Variants in CENPU observed in about 807,000 individuals in gnomAD.
The protein encoded by CENPU is KSHV latent nuclear antigen interacting protein 1.
Under a neutral mutation model 56.7 loss-of-function variants are expected in CENPU, and 46 were observed. The ratio of observed to expected loss-of-function variants is 0.81; its 90% CI spans 0.64 to 1.04. The LOEUF (loss-of-function observed/expected upper bound fraction) is 1.04, where lower values mean the gene tolerates loss of function less well. CENPU is among the 50% of genes least tolerant of loss of function. The pLI is 0.00. For synonymous variants in CENPU, 166 were observed against 163.0 expected (o/e 1.02, Z -0.14); for missense variants, 510 against 490.1 (o/e 1.04, Z -0.38).
chr4:184,695,416 T>C lies in CENPU; in HGVS notation c.1144-15A>G, dbSNP rs368960611. The C allele has an allele frequency of 5.1e-6, 8 of 1,560,768 alleles. No homozygotes were observed. Among genetic ancestry groups the C allele is most frequent in the Non-Finnish European group, 6.2e-6 (7 of 1,132,576 alleles). ...GATGAATCATACTGTTGAAAGAAAA[T>C]TATATAATTAGCAATATCAAAAACT... On this transcript the variant is annotated splice_polypyrimidine_tract_variant and intron_variant, in intron 12 of 12. Transcript: ENST00000281453.
chr4:184,705,357 CTGAAATGA>C (rs1760689785), intron 8 of CENPU, among the ~76,000 whole-genome samples: 1 of 151,982 alleles, frequency 6.6e-6, no homozygotes, highest in South Asian at 2.1e-4. Flanking sequence ...TATAACATTC[CTGAAATGA>C]TGAAATGATA....
chr4:184,730,583 T>C (rs1040231982), intron 2 of CENPU, among the ~76,000 whole-genome samples: 1 of 110,020 alleles, frequency 9.1e-6, no homozygotes, highest in South Asian at 3.8e-4. Flanking sequence ...GTGAACTAAG[T>C]GGAGTATCAT....
In CENPU at chr4:184,710,104, C is replaced by G. The variant is rs1172591725; in HGVS notation, c.765G>C (p.Leu255Phe). ...CTAGGTGGGTTTTCTCAAATTCAGGCAAAACAATATTCAACTCCTTGATGT... is the reference window on the plus strand; with the variant it reads ...CTAGGTGGGTTTTCTCAAATTCAGGGAAAACAATATTCAACTCCTTGATGT... ...TSDIKELNIV[L>F]PEFEKTHLEH... The change falls in exon 8 of 13, where the codon TTG becomes TTC. Residue 255 changes from leucine (L) to phenylalanine (F), a missense_variant. By Grantham distance (22) the Leu-to-Phe change is conservative. Coordinates refer to ENST00000281453, the MANE Select transcript of CENPU (RefSeq NM_024629.4). 1 of 1,611,014 alleles carries G rather than the reference C, an allele frequency of 6.2e-7. No individual in the cohort carries two copies. The highest frequency in any genetic ancestry group is 1.1e-5 in the South Asian group (1 of 90,472).
chr4:184,697,848 CGTG>C, intron 11 of CENPU, 45 bp from the exon 12 acceptor site: 5 of 1,490,302 alleles, frequency 3.4e-6, no homozygotes, highest in East Asian at 2.3e-5. Flanking sequence ...ACCAGCCTAT[CGTG>C]GTGAAACTGA....
intron 7 of CENPU, among the ~76,000 whole-genome samples, chr4:184,711,630 T>C (rs1760928522): frequency 6.6e-6 from 1 of 152,166 alleles, no homozygotes; most frequent in African/African-American, 2.4e-5. Flanking sequence ...CTTAGCAACA[T>C]TTAAACTGTG....
chr4:184,717,398 G>A (rs183519115), intron 4 of CENPU, among the ~76,000 whole-genome samples: 3 of 152,250 alleles, frequency 2.0e-5, no homozygotes, highest in East Asian at 1.9e-4. Flanking sequence ...TTTATCCCAG[G>A]CAAGCAAGTA....
intron 7 of CENPU, among the ~76,000 whole-genome samples, chr4:184,712,119 C>CAA (rs10650384): frequency 6.1e-4 from 49 of 80,630 alleles, no homozygotes; most frequent in South Asian, 3.2e-3. Flanking sequence ...GACTCAGTCT[C>CAA]AAAAAAAAAA....
At chr4:184,697,333 A>G (rs1316063003) in intron 12 of CENPU, among the ~76,000 whole-genome samples, 4 of 150,696 alleles carry the variant, frequency 2.7e-5, no homozygotes, top group African/African-American at 7.3e-5. Flanking sequence ...TGAAAACTGT[A>G]ATACAGCAGA....
intron 6 of CENPU, among the ~76,000 whole-genome samples, chr4:184,715,734 A>G (rs1761068627): frequency 6.6e-6 from 1 of 152,252 alleles, no homozygotes. Flanking sequence ...ATTCTTGATT[A>G]GTAAGAGATT....
At chr4:184,727,045 G>A (rs955122229) in intron 3 of CENPU, among the ~76,000 whole-genome samples, 2 of 150,378 alleles carry the variant, frequency 1.3e-5, no homozygotes, top group African/African-American at 5.0e-5. Context: ...GAACCCAGGA[G>A]GTGGAGGTTG....
intron 3 of CENPU, among the ~76,000 whole-genome samples, chr4:184,726,535 T>C (rs546409050): frequency 1.3e-5 from 2 of 152,248 alleles, no homozygotes; most frequent in African/African-American, 4.8e-5. Flanking sequence ...ACTGAAACCC[T>C]TGGGCCCTGC....
At chr4:184,696,527 C>T (rs564077850) in intron 12 of CENPU, among the ~76,000 whole-genome samples, 42 of 152,116 alleles carry the variant, frequency 2.8e-4, no homozygotes, top group Non-Finnish European at 5.4e-4. Flanking sequence ...CTTTGGACTA[C>T]TTAGGTAATT....
intron 4 of CENPU, among the ~76,000 whole-genome samples, chr4:184,719,901 A>C (rs926563236): frequency 6.6e-6 from 1 of 152,224 alleles, no homozygotes; most frequent in Admixed American, 6.5e-5. Context: ...GCCTTCCCAC[A>C]AATGATGGAT....
At chr4:184,722,322 TGAA>T (rs1455160430) in intron 4 of CENPU, among the ~76,000 whole-genome samples, 4 of 152,102 alleles carry the variant, frequency 2.6e-5, no homozygotes, top group Non-Finnish European at 5.9e-5. Flanking sequence ...TGATGCATCT[TGAA>T]GAAGTAGAAA....
intron 8 of CENPU, among the ~76,000 whole-genome samples, chr4:184,705,478 G>A (rs1760695065): frequency 6.6e-6 from 1 of 152,080 alleles, no homozygotes. Flanking sequence ...AAGGATCCTG[G>A]AGGTGATGCA....
At chr4:184,699,251 A>T (rs1398780812) in intron 11 of CENPU, among the ~76,000 whole-genome samples, 3 of 152,044 alleles carry the variant, frequency 2.0e-5, no homozygotes, top group Admixed American at 2.0e-4. Context: ...AATAGCGCGA[A>T]CCCGGGAGGC....
chr4:184,723,841 C>CA (rs11299367), intron 4 of CENPU, among the ~76,000 whole-genome samples: 70 of 58,408 alleles, frequency 1.2e-3, no homozygotes, highest in Non-Finnish European at 1.6e-3. Flanking sequence ...GACTCCATCT[C>CA]AAAAAAAAAA....
intron 3 of CENPU, 86 bp downstream of exon 3, chr4:184,728,831 AT>A: frequency 1.1e-6 from 1 of 948,578 alleles, no homozygotes. Context: ...TAATTTTTAT[AT>A]TTGAAGATAC....
intron 3 of CENPU, among the ~76,000 whole-genome samples, chr4:184,726,371 G>GA (rs58222464): frequency 0.17 from 25,796 of 150,232 alleles, 2,390 homozygotes; most frequent in African/African-American, 0.24. Context: ...AGGTCAAAGG[G>GA]AAAAAAAAAG....
Sources: gnomAD v4.1 joint callset for allele counts (sites outside exome capture counted in the v4.1 genomes callset) on GRCh38, gnomAD v4.1.1 for gene constraint, MANE v1.5 for transcripts, NCBI Gene and HGNC (gene_info 2026-07-23, HGNC 2026-07-21) for gene names.